FHIT: variants seen among roughly 807,000 people sequenced by gnomAD.
The protein encoded by FHIT is fragile histidine triad diadenosine triphosphatase, also known as bis(5'-adenosyl)-triphosphatase.
FHIT carries 19 observed loss-of-function variants against 17.9 expected under a neutral mutation model. That is an observed-to-expected ratio of 1.06 (90% CI 0.74 to 1.56). The LOEUF is 1.56. FHIT is among the 40% of genes most tolerant of loss of function. The pLI is 0.00. For synonymous variants in FHIT, 81 were observed against 69.7 expected (o/e 1.16, Z -0.81); for missense variants, 248 against 189.2 (o/e 1.31, Z -1.82).
chr3:59,831,943 T>C (rs1019591030), intron 8 of FHIT, among the ~76,000 whole-genome samples: 13 of 152,114 alleles, frequency 8.5e-5, no homozygotes, highest in Non-Finnish European at 1.5e-4. Context: ...ATTGCAGCCA[T>C]AGTCAGCAGA....
intron 5 of FHIT, among the ~76,000 whole-genome samples, chr3:60,164,121 C>A (rs971509010): frequency 9.9e-5 from 15 of 152,236 alleles, no homozygotes; most frequent in African/African-American, 3.6e-4. Flanking sequence ...AAGTAGGTAG[C>A]TAGTGGAAGA....
intron 4 of FHIT, among the ~76,000 whole-genome samples, chr3:60,632,023 G>T (rs2039456460): frequency 6.6e-6 from 1 of 152,062 alleles, no homozygotes; most frequent in Non-Finnish European, 1.5e-5. Flanking sequence ...AATTATTTTT[G>T]TGCCAGTCTC....
chr3:61,238,933 G>A lies in FHIT; in HGVS notation c.-213+12368C>T, dbSNP rs148283508. On this transcript the variant is annotated intron_variant, in intron 1 of 9. Coordinates refer to ENST00000492590, the MANE Select transcript of FHIT (RefSeq NM_002012.4). The stretch of plus-strand genomic sequence containing the variant: ...ATACCGCATTAGGGGGCAGAAGTGG[G>A]TATCGCAGATGCTCTGATCAGAACC... 5.0e-3 allele frequency among the ~76,000 whole-genome samples: 761 copies of A among 152,316 alleles called. 8 individuals carry two copies. Among genetic ancestry groups the A allele is most frequent in the African/African-American group, 0.018 (729 of 41,570 alleles).
chr3:60,611,155 T>A (rs1285273853), intron 4 of FHIT, among the ~76,000 whole-genome samples: 1 of 152,202 alleles, frequency 6.6e-6, no homozygotes, highest in African/African-American at 2.4e-5. Flanking sequence ...CTGAGATTCA[T>A]TTATTTAACA....
intron 5 of FHIT, among the ~76,000 whole-genome samples, chr3:60,367,297 G>A (rs1316528306): frequency 6.6e-6 from 1 of 152,118 alleles, no homozygotes; most frequent in African/African-American, 2.4e-5. Flanking sequence ...TCTCAATCAG[G>A]AGCCAAGGCC....
chr3:59,974,428 C>T (rs1425922497), intron 7 of FHIT, among the ~76,000 whole-genome samples: 1 of 152,138 alleles, frequency 6.6e-6, no homozygotes, highest in Non-Finnish European at 1.5e-5. Flanking sequence ...GGCTTCAGCA[C>T]CAGGTATTTA....
At chr3:60,589,703 A>T (rs1174969470) in intron 4 of FHIT, among the ~76,000 whole-genome samples, 1 of 152,066 alleles carries the variant, frequency 6.6e-6, no homozygotes, top group East Asian at 1.9e-4. Flanking sequence ...AGGAAGTTGT[A>T]GCAATTTAAA....
chr3:60,535,581 AT>A (rs369364793), intron 5 of FHIT, among the ~76,000 whole-genome samples: 88 of 143,226 alleles, frequency 6.1e-4, no homozygotes, highest in African/African-American at 2.2e-3. Context: ...TTTCTAAATC[AT>A]TCTAGTGTTT....
chr3:60,323,304 A>G (rs1025469307), intron 5 of FHIT, among the ~76,000 whole-genome samples: 3 of 152,234 alleles, frequency 2.0e-5, no homozygotes, highest in East Asian at 3.9e-4. Context: ...AAATTTTCCC[A>G]TTATTTTCAC....
At chr3:60,135,457 C>A (rs1699778619) in intron 5 of FHIT, among the ~76,000 whole-genome samples, 1 of 152,106 alleles carries the variant, frequency 6.6e-6, no homozygotes, top group African/African-American at 2.4e-5. Context: ...TGTGGAATAC[C>A]TACAATGGGG....
At chr3:60,365,208 C>A (rs547281192) in intron 5 of FHIT, among the ~76,000 whole-genome samples, 163 of 150,428 alleles carry the variant, frequency 1.1e-3, no homozygotes, top group Non-Finnish European at 1.9e-3. Context: ...AAATTGGGAT[C>A]TTTCTGGAAA....
chr3:60,381,439 T>C (rs1700795014), intron 5 of FHIT, among the ~76,000 whole-genome samples: 1 of 151,232 alleles, frequency 6.6e-6, no homozygotes, highest in Non-Finnish European at 1.5e-5. Context: ...GACCGTGCCA[T>C]TGCACTCCAG....
intron 5 of FHIT, among the ~76,000 whole-genome samples, chr3:60,477,665 TTAACC>T (rs1400657409): frequency 5.3e-5 from 8 of 152,344 alleles, no homozygotes; most frequent in Middle Eastern, 3.4e-3. Context: ...AAAGATTAAC[TTAACC>T]TTTTATATAC....
chr3:59,751,025 A>T, intron 9 of FHIT: 2 of 182,990 alleles, frequency 1.1e-5, no homozygotes, highest in Non-Finnish European at 2.3e-5. Flanking sequence ...GAATTATCTA[A>T]TTCTAAAAAC....
At chr3:60,071,789 C>A (rs1702783313) in intron 5 of FHIT, among the ~76,000 whole-genome samples, 1 of 152,090 alleles carries the variant, frequency 6.6e-6, no homozygotes, top group Non-Finnish European at 1.5e-5. Flanking sequence ...TGAGATGGAC[C>A]CGGTGAGAGG....
chr3:60,930,400 A>G (rs1401936340), intron 3 of FHIT, among the ~76,000 whole-genome samples: 2 of 152,216 alleles, frequency 1.3e-5, no homozygotes, highest in African/African-American at 4.8e-5. Context: ...TTTGCACAGC[A>G]AAAGAAACTA....
intron 5 of FHIT, among the ~76,000 whole-genome samples, chr3:60,338,268 G>C (rs905142710): frequency 6.6e-6 from 1 of 152,166 alleles, no homozygotes; most frequent in Non-Finnish European, 1.5e-5. Flanking sequence ...TGCTATAACA[G>C]TGTATGATAA....
At chr3:60,025,580 C>T (rs1009084441) in intron 5 of FHIT, among the ~76,000 whole-genome samples, 2 of 152,066 alleles carry the variant, frequency 1.3e-5, no homozygotes, top group Non-Finnish European at 2.9e-5. Context: ...GCCATAACAC[C>T]GAAGTCATTT....
At chr3:60,880,003 C>CTGGATAGACTTG (rs1469759420) in intron 3 of FHIT, among the ~76,000 whole-genome samples, 2 of 151,722 alleles carry the variant, frequency 1.3e-5, no homozygotes, top group East Asian at 3.9e-4. Flanking sequence ...TTTCACAAGT[C>CTGGATAGACTTG]TGGATAGAGA....
Sources: gnomAD v4.1 joint callset for allele counts (sites outside exome capture counted in the v4.1 genomes callset) on GRCh38, gnomAD v4.1.1 for gene constraint, MANE v1.5 for transcripts, NCBI Gene and HGNC (gene_info 2026-07-23, HGNC 2026-07-21) for gene names.